PPHLN1: variants seen among roughly 807,000 people sequenced by gnomAD.
PPHLN1 encodes the protein periphilin-1.
Under a neutral mutation model 51.3 loss-of-function variants are expected in PPHLN1, and 29 were observed. That is an observed-to-expected ratio of 0.57 (90% CI 0.42 to 0.77). The LOEUF is 0.77. Ranked by LOEUF, PPHLN1 falls within the 30% of genes least tolerant of loss-of-function variation. The pLI is 0.00. For synonymous variants in PPHLN1, 147 were observed against 147.8 expected, an observed-to-expected ratio of 0.99 and a Z score of 0.04; for missense variants, 436 against 438.4, an observed-to-expected ratio of 0.99 and a Z score of 0.05.
intron 5 of PPHLN1, among the ~76,000 whole-genome samples, chr12:42,379,372 G>A (rs2076574721): frequency 1.3e-5 from 2 of 151,422 alleles, no homozygotes; most frequent in Non-Finnish European, 1.5e-5. Context: ...TCTTCTTAGA[G>A]CCATATATAA....
intron 4 of PPHLN1, among the ~76,000 whole-genome samples, chr12:42,356,141 C>T (rs1220591733): frequency 6.6e-6 from 1 of 152,194 alleles, no homozygotes; most frequent in Admixed American, 6.5e-5. Context: ...GTAGAGATTT[C>T]TTATGAACTA....
chr12:42,435,239 T>C (rs1361625025), intron 9 of PPHLN1, among the ~76,000 whole-genome samples: 1 of 152,248 alleles, frequency 6.6e-6, no homozygotes, highest in Admixed American at 6.5e-5. Flanking sequence ...CTATAAACAT[T>C]GATTGCTGAG....
At chr12:42,332,373 A>G (rs1033308102) in intron 1 of PPHLN1, among the ~76,000 whole-genome samples, 1 of 152,222 alleles carries the variant, frequency 6.6e-6, no homozygotes, top group Non-Finnish European at 1.5e-5. Flanking sequence ...TTAAACATCT[A>G]GTACAATCTC....
At chr12:42,424,896 A>G (rs1592929355) in intron 9 of PPHLN1, among the ~76,000 whole-genome samples, 2 of 152,024 alleles carry the variant, frequency 1.3e-5, no homozygotes, top group East Asian at 3.9e-4. Flanking sequence ...AGAAAACAAA[A>G]AGAAAAAAAG....
At chr12:42,447,867 A>C (rs1189103836), downstream of PPHLN1, 1 of 152,134 alleles carries the variant, frequency 6.6e-6, no homozygotes, top group Non-Finnish European at 1.5e-5. Flanking sequence ...ATTTTTTTTT[A>C]ATTTCCTAAA....
chr12:42,439,228 A>G (rs182935405), intron 9 of PPHLN1, among the ~76,000 whole-genome samples: 1 of 152,330 alleles, frequency 6.6e-6, no homozygotes, highest in Admixed American at 6.5e-5. Flanking sequence ...AAGGTATAAG[A>G]TCTGTGTCTA....
At chr12:42,362,631 A>G (rs946813095) in intron 4 of PPHLN1, among the ~76,000 whole-genome samples, 16 of 152,248 alleles carry the variant, frequency 1.1e-4, no homozygotes, top group Non-Finnish European at 2.4e-4. Context: ...CTGAACACAC[A>G]GACACACACA....
At chr12:42,379,438 ATTC>A (rs932730761) in intron 5 of PPHLN1, among the ~76,000 whole-genome samples, 3 of 151,694 alleles carry the variant, frequency 2.0e-5, no homozygotes, top group African/African-American at 7.3e-5. Context: ...GTACTATCAT[ATTC>A]TTCATGTTTT....
intron 9 of PPHLN1, among the ~76,000 whole-genome samples, chr12:42,432,878 C>T (rs556332636): frequency 1.3e-5 from 2 of 152,360 alleles, no homozygotes; most frequent in African/African-American, 4.8e-5. Context: ...ACGCATGTCA[C>T]TCAAGATGTT....
chr12:42,341,270 T>A (rs2071457737), intron 2 of PPHLN1, among the ~76,000 whole-genome samples: 1 of 152,052 alleles, frequency 6.6e-6, no homozygotes, highest in African/African-American at 2.4e-5. Context: ...TGAGCCATCG[T>A]GCCCGGCTTC....
chr12:42,424,915 C>T (rs567169772), intron 9 of PPHLN1, among the ~76,000 whole-genome samples: 2 of 152,152 alleles, frequency 1.3e-5, no homozygotes, highest in South Asian at 4.1e-4. Flanking sequence ...AGCATAATAA[C>T]ACGTGTAGTA....
chr12:42,400,068 C>G (rs576515893), intron 9 of PPHLN1: 1 of 151,744 alleles, frequency 6.6e-6, no homozygotes, highest in Non-Finnish European at 1.5e-5. Context: ...TTCCTTTTCT[C>G]CCCTTACCAT....
intron 9 of PPHLN1, chr12:42,399,280 G>T: frequency 1.1e-6 from 1 of 924,298 alleles, no homozygotes; most frequent in Non-Finnish European, 1.3e-6. Flanking sequence ...AATAGGGATG[G>T]GATGGAAGAA....
chr12:42,446,521 GTCGCT>G, downstream of PPHLN1: 1 of 1,562,032 alleles, frequency 6.4e-7, no homozygotes, highest in East Asian at 2.3e-5. Flanking sequence ...ACTCCTGGGG[GTCGCT>G]TCTTAGTTAG....
intron 7 of PPHLN1, among the ~76,000 whole-genome samples, chr12:42,392,597 A>C (rs2077824811): frequency 6.6e-6 from 1 of 152,198 alleles, no homozygotes; most frequent in Admixed American, 6.5e-5. Context: ...TCAGAGAATT[A>C]CCTTAACGGC....
intron 1 of PPHLN1, among the ~76,000 whole-genome samples, chr12:42,326,928 C>T (rs74078043): frequency 0.028 from 4,332 of 152,236 alleles, 225 homozygotes; most frequent in African/African-American, 0.099. Context: ...GGAGCCTGCA[C>T]AATCAATCCA....
At chr12:42,385,452 T>C (rs574238686) in intron 6 of PPHLN1, among the ~76,000 whole-genome samples, 25 of 152,332 alleles carry the variant, frequency 1.6e-4, no homozygotes, top group African/African-American at 5.1e-4. Context: ...ATGAAATTGG[T>C]TGATAACGAC....
At chr12:42,425,852 A>G (rs540152241) in intron 9 of PPHLN1, among the ~76,000 whole-genome samples, 3 of 152,202 alleles carry the variant, frequency 2.0e-5, no homozygotes, top group Non-Finnish European at 4.4e-5. Flanking sequence ...CAGGATTTTA[A>G]TATTGAAAGA....
chr12:42,401,180 T>C (rs2078811139), intron 9 of PPHLN1, among the ~76,000 whole-genome samples: 1 of 152,294 alleles, frequency 6.6e-6, no homozygotes, highest in South Asian at 2.1e-4. Flanking sequence ...TAATAAAGCC[T>C]AAACCAAAAC....
Sources: allele counts gnomAD v4.1 joint callset (sites outside exome capture counted in the v4.1 genomes callset), GRCh38; gene constraint gnomAD v4.1.1; transcripts MANE v1.5; gene names NCBI Gene and HGNC (gene_info 2026-07-23, HGNC 2026-07-21).